RNGTT: variants seen among roughly 807,000 people sequenced by gnomAD.
RNGTT encodes the protein RNA guanylyltransferase and 5'-phosphatase.
Under a neutral mutation model 79.3 loss-of-function variants are expected in RNGTT, and 33 were observed. That is an observed-to-expected ratio of 0.42 (90% confidence interval 0.32 to 0.56). The LOEUF is 0.56. RNGTT is among the 20% of genes least tolerant of loss of function. The pLI is 0.17. For missense variants in RNGTT, 497 were observed against 739.1 expected (o/e 0.67, Z 3.80); for synonymous variants, 222 against 235.9 (o/e 0.94, Z 0.54).
rs564356334 is a variant in RNGTT at position 88,875,591 on chromosome 6, C to CT, written c.896+14903dup. On this transcript the variant is annotated intron_variant, in intron 8 of 15. Coordinates refer to ENST00000369485, the MANE Select transcript of RNGTT (RefSeq NM_003800.5). ...TTGCATTCAAATCTCAGTCCTGCTA[C>CT]TTACAATAACTGTGTCTGTGACCTT... Among the ~76,000 whole-genome samples the CT allele has an allele frequency of 6.6e-5, 10 of 152,304 alleles. No individual in the cohort carries two copies. In the South Asian group the frequency reaches 2.1e-3, roughly 32 times the overall value.
intron 12 of RNGTT, among the ~76,000 whole-genome samples, chr6:88,776,244 G>GT (rs1778874598): frequency 6.6e-6 from 1 of 151,496 alleles, no homozygotes; most frequent in Non-Finnish European, 1.5e-5. Context: ...TATGCATGAG[G>GT]TAATATCTCA....
chr6:88,911,993 G>A (rs1361544341), intron 4 of RNGTT, among the ~76,000 whole-genome samples: 1 of 152,062 alleles, frequency 6.6e-6, no homozygotes. Flanking sequence ...TGAGGTGGGA[G>A]GATTGCTTGA....
intron 1 of RNGTT, among the ~76,000 whole-genome samples, chr6:88,949,838 G>C (rs2127963217): frequency 6.6e-6 from 1 of 152,310 alleles, no homozygotes; most frequent in South Asian, 2.1e-4. Context: ...TTATCCAGAA[G>C]ATATAGCTAA....
intron 8 of RNGTT, among the ~76,000 whole-genome samples, chr6:88,864,410 T>C (rs764648332): frequency 1.8e-4 from 28 of 152,098 alleles, no homozygotes; most frequent in Non-Finnish European, 3.7e-4. Flanking sequence ...CTACATACCA[T>C]TAATTACATG....
At chr6:88,963,214 A>AT in intron 1 of RNGTT, 132 bp downstream of exon 1, 1 of 846,834 alleles carries the variant, frequency 1.2e-6, no homozygotes, top group South Asian at 1.6e-5. Context: ...ACGAAGCGTA[A>AT]TCCGACGGAG....
chr6:88,884,219 T>C (rs1316552479), intron 8 of RNGTT, among the ~76,000 whole-genome samples: 1 of 152,174 alleles, frequency 6.6e-6, no homozygotes, highest in Non-Finnish European at 1.5e-5. Context: ...ACAGCATCAT[T>C]TGTAATTACA....
In RNGTT at chr6:88,610,074, GTT is replaced by G. The variant is rs1475098443; in HGVS notation, c.*2643_*2644del. On this transcript the variant is annotated 3_prime_UTR_variant, in exon 16 of 16. Coordinates refer to ENST00000369485, the MANE Select transcript of RNGTT (RefSeq NM_003800.5). ...TTCCTCTCCACTTCAAAAATAAAAG[GTT>G]CAAACTACACCCCCCTGTGTCAATC... Among the ~76,000 whole-genome samples, 3 of 152,042 alleles carry G rather than the reference GTT, an allele frequency of 2.0e-5. No homozygotes were observed. The highest frequency in any genetic ancestry group is 4.4e-5 in the Non-Finnish European group (3 of 68,014).
chr6:88,800,162 T>C (rs907321468), intron 12 of RNGTT, among the ~76,000 whole-genome samples: 2 of 152,186 alleles, frequency 1.3e-5, no homozygotes, highest in Non-Finnish European at 2.9e-5. Flanking sequence ...CGTAAAGATA[T>C]AATGCTTTAC....
rs565414057 is a variant in RNGTT, at chr6:88,918,465, A to G, written c.367+10520T>C. Among the ~76,000 whole-genome samples the G allele has an allele frequency of 2.6e-5, 4 of 152,294 alleles. No homozygotes were observed. The South Asian group carries it at 8.3e-4, about 32-fold the overall frequency. On this transcript the variant is annotated intron_variant, in intron 4 of 15. Transcript: ENST00000369485. ...GGGAATGCAAAACAGAAAGAAGGGTACGGGGTTTTTTTCAGCGGGAGGGGA... is the reference window on the plus strand; with the variant it reads ...GGGAATGCAAAACAGAAAGAAGGGTGCGGGGTTTTTTTCAGCGGGAGGGGA...
At position 88,694,083 on chromosome 6, in the gene RNGTT, A is replaced by T. The variant is rs536688556; in HGVS notation, c.1440-15664T>A. On this transcript the variant is annotated intron_variant, in intron 13 of 15. Transcript: ENST00000369485. ...TCTCACCACTTCTCTTCAACACAGT[A>T]CTGGAAGTCCTTGCTGGAGCAAGTA... 5.3e-5 allele frequency among the ~76,000 whole-genome samples: 8 copies of T among 152,314 alleles called. No individual in the cohort carries two copies. In the East Asian group the frequency reaches 1.5e-3, roughly 29 times the overall value.
chr6:88,955,300 T>C (rs1461321600), intron 1 of RNGTT, among the ~76,000 whole-genome samples: 2 of 151,840 alleles, frequency 1.3e-5, no homozygotes, highest in African/African-American at 4.8e-5. Flanking sequence ...CCTGCAATCC[T>C]AGCACTTTGG....
At chr6:88,932,515 CA>C (rs1428107182) in intron 2 of RNGTT, among the ~76,000 whole-genome samples, 2 of 152,164 alleles carry the variant, frequency 1.3e-5, no homozygotes, top group Non-Finnish European at 2.9e-5. Flanking sequence ...TTTTGCGGCT[CA>C]GGGGGCATCA....
intron 11 of RNGTT, among the ~76,000 whole-genome samples, chr6:88,829,607 C>G (rs2127887362): frequency 1.3e-5 from 2 of 149,950 alleles, no homozygotes; most frequent in South Asian, 4.2e-4. Flanking sequence ...CAAGACCCAT[C>G]AGTGTGCTGT....
At chr6:88,828,663 T>C (rs1353115680) in intron 11 of RNGTT, among the ~76,000 whole-genome samples, 1 of 152,034 alleles carries the variant, frequency 6.6e-6, no homozygotes, top group Non-Finnish European at 1.5e-5. Context: ...GAGGAATTGC[T>C]AACTAGAATA....
intron 13 of RNGTT, among the ~76,000 whole-genome samples, chr6:88,769,344 A>C (rs1778571557): frequency 2.9e-3 from 1 of 340 alleles, no homozygotes; most frequent in Non-Finnish European, 3.9e-3. Context: ...TATTTTTGGT[A>C]GAGGGGGGTT....
At chr6:88,896,509 G>A (rs1783253854) in intron 6 of RNGTT, among the ~76,000 whole-genome samples, 1 of 152,160 alleles carries the variant, frequency 6.6e-6, no homozygotes, top group East Asian at 1.9e-4. Context: ...CCAATCTTGA[G>A]AGACAGAGAC....
In RNGTT at chr6:88,716,192, T is replaced by C. The variant is rs568103976; in HGVS notation, c.1440-37773A>G. Among the ~76,000 whole-genome samples the C allele has an allele frequency of 3.3e-5, 5 of 152,166 alleles. No individual in the cohort carries two copies. The South Asian group carries it at 6.2e-4, about 19-fold the overall frequency. On this transcript the variant is annotated intron_variant, in intron 13 of 15. Transcript: ENST00000369485. ...GACATTTCTCAAAAGAAGACATTTA[T>C]GCAGCCAAAAGACACATGAAAAAAT...
chr6:88,835,465 CATT>C (rs1781033421), intron 11 of RNGTT, among the ~76,000 whole-genome samples: 1 of 152,036 alleles, frequency 6.6e-6, no homozygotes, highest in South Asian at 2.1e-4. Flanking sequence ...GAAGAGAATG[CATT>C]ATTATTTTTG....
At chr6:88,642,742 C>T (rs1773371030) in intron 14 of RNGTT, among the ~76,000 whole-genome samples, 2 of 152,128 alleles carry the variant, frequency 1.3e-5, no homozygotes, top group African/African-American at 4.8e-5. Context: ...AAAATAAAAG[C>T]AATATTTACT....
Sources: gnomAD v4.1 joint callset for allele counts (sites outside exome capture counted in the v4.1 genomes callset) on GRCh38, gnomAD v4.1.1 for gene constraint, MANE v1.5 for transcripts, NCBI Gene and HGNC (gene_info 2026-07-23, HGNC 2026-07-21) for gene names.